Variants in SPHKAP observed in about 807,000 individuals in gnomAD.
SPHKAP encodes A-kinase anchor protein SPHKAP.
SPHKAP carries 67 observed loss-of-function variants against 137.5 expected under a neutral mutation model. That is an observed-to-expected ratio of 0.49 (90% CI 0.40 to 0.60). SPHKAP has a LOEUF of 0.60. Ranked by LOEUF, SPHKAP falls within the 20% of genes least tolerant of loss-of-function variation. SPHKAP has a pLI of 0.00. For missense variants in SPHKAP, 2,097 were observed against 2,069.3 expected (o/e 1.01, Z -0.26); for synonymous variants, 813 against 785.3 (o/e 1.04, Z -0.59).
chr2:228,064,113 A>G (rs956854085), intron 3 of SPHKAP, among the ~76,000 whole-genome samples: 1 of 152,236 alleles, frequency 6.6e-6, no homozygotes, highest in Non-Finnish European at 1.5e-5. Context: ...AGTCAGAATC[A>G]TAAGTAGTAG....
intron 1 of SPHKAP, among the ~76,000 whole-genome samples, chr2:228,157,417 G>A (rs750286062): frequency 2.0e-5 from 3 of 152,058 alleles, no homozygotes; most frequent in Non-Finnish European, 4.4e-5. Context: ...TGAATATCAT[G>A]GAAATAAAAA....
At chr2:228,001,809 A>G (rs1437319728) in intron 7 of SPHKAP, among the ~76,000 whole-genome samples, 4 of 152,000 alleles carry the variant, frequency 2.6e-5, no homozygotes, top group African/African-American at 9.7e-5. Context: ...TATGAGTGAG[A>G]ACGTGAAGTG....
At chr2:227,989,775 TTTG>T (rs993065490) in intron 11 of SPHKAP, among the ~76,000 whole-genome samples, 1 of 80,976 alleles carries the variant, frequency 1.2e-5, no homozygotes, top group African/African-American at 5.3e-5. Flanking sequence ...CTGGCTAATT[TTTG>T]TTTTTTTTTT....
chr2:228,090,232 T>C (rs775592125), intron 3 of SPHKAP, among the ~76,000 whole-genome samples: 6 of 152,224 alleles, frequency 3.9e-5, no homozygotes, highest in African/African-American at 7.2e-5. Flanking sequence ...TCAAGGATTA[T>C]GTTGGAATCT....
chr2:228,109,949 A>ACT (rs375542235), intron 2 of SPHKAP, among the ~76,000 whole-genome samples: 41,277 of 106,878 alleles, frequency 0.39, 7,658 homozygotes, highest in East Asian at 0.55. Flanking sequence ...CAAGAGTGAA[A>ACT]ATGTCTCAAA....
intron 3 of SPHKAP, chr2:228,027,920 C>T: frequency 8.0e-6 from 6 of 750,638 alleles, no homozygotes; most frequent in Non-Finnish European, 9.6e-6. Flanking sequence ...GAGCCGAGGT[C>T]ATGCCCACTC....
chr2:228,139,990 G>A (rs867371706), intron 1 of SPHKAP, among the ~76,000 whole-genome samples: 1 of 113,598 alleles, frequency 8.8e-6, no homozygotes, highest in Non-Finnish European at 1.9e-5. Flanking sequence ...TTTTGCCCAG[G>A]CTGGAGTGCA....
chr2:228,133,826 A>G (rs1175152308), intron 1 of SPHKAP, among the ~76,000 whole-genome samples: 1 of 152,232 alleles, frequency 6.6e-6, no homozygotes, highest in Admixed American at 6.5e-5. Flanking sequence ...ATGGAATGAC[A>G]TTTTAAAAAA....
intron 1 of SPHKAP, among the ~76,000 whole-genome samples, chr2:228,156,793 G>A (rs529852960): frequency 6.6e-6 from 1 of 152,262 alleles, no homozygotes; most frequent in East Asian, 1.9e-4. Flanking sequence ...GCTTTATAAA[G>A]GGGAGGTCCC....
intron 3 of SPHKAP, among the ~76,000 whole-genome samples, chr2:228,052,789 T>C (rs1240134812): frequency 6.6e-6 from 1 of 152,148 alleles, no homozygotes; most frequent in Non-Finnish European, 1.5e-5. Flanking sequence ...CCTTTTATGT[T>C]AGAGAGTTTA....
intron 3 of SPHKAP, chr2:228,028,028 C>T (rs1161328902): frequency 1.0e-6 from 1 of 984,596 alleles, no homozygotes; most frequent in South Asian, 4.7e-5. Flanking sequence ...CCAAATAGCT[C>T]TCCAACACCC....
chr2:228,074,028 T>C (rs145263134), intron 3 of SPHKAP, among the ~76,000 whole-genome samples: 3 of 152,314 alleles, frequency 2.0e-5, no homozygotes, highest in East Asian at 1.9e-4. Context: ...AGGTTCAACA[T>C]TCAGTTTTCA....
At chr2:228,087,645 A>C (rs1276917954) in intron 3 of SPHKAP, among the ~76,000 whole-genome samples, 1 of 152,216 alleles carries the variant, frequency 6.6e-6, no homozygotes, top group Non-Finnish European at 1.5e-5. Context: ...TGGAATTGAA[A>C]AGTATAATAA....
intron 7 of SPHKAP, among the ~76,000 whole-genome samples, chr2:228,011,381 C>T (rs1559344767): frequency 6.6e-6 from 1 of 152,200 alleles, no homozygotes; most frequent in African/African-American, 2.4e-5. Context: ...CTGGTTTCCA[C>T]TAGCCTTTAG....
At chr2:228,073,154 T>A (rs1697056461) in intron 3 of SPHKAP, among the ~76,000 whole-genome samples, 1 of 152,226 alleles carries the variant, frequency 6.6e-6, no homozygotes, top group Non-Finnish European at 1.5e-5. Context: ...AGGGGCAGAA[T>A]AATTGACCCC....
At chr2:228,154,393 A>C (rs72617140) in intron 1 of SPHKAP, among the ~76,000 whole-genome samples, 33,209 of 149,018 alleles carry the variant, frequency 0.22, 4,149 homozygotes, top group East Asian at 0.49. Flanking sequence ...ATTAGTTAAA[A>C]ATGGTAGTTT....
intron 7 of SPHKAP, among the ~76,000 whole-genome samples, chr2:228,004,058 G>A (rs1694023861): frequency 6.6e-6 from 1 of 152,190 alleles, no homozygotes; most frequent in African/African-American, 2.4e-5. Flanking sequence ...TTTGGTATCA[G>A]GATGATGCTG....
intron 7 of SPHKAP, among the ~76,000 whole-genome samples, chr2:227,996,693 C>T (rs1559337729): frequency 6.6e-6 from 1 of 152,158 alleles, no homozygotes; most frequent in East Asian, 1.9e-4. Flanking sequence ...CCTTCCCACC[C>T]TCTTCCTGGG....
rs144451707 is a variant in SPHKAP at position 228,039,451 on chromosome 2, T to C, written c.247-11908A>G. ...ATAGGAAATACACAGTTTTTTTTAG[T>C]ATTATGGGTTATTAGCCAAGTAATC... On this transcript the variant is annotated intron_variant, in intron 3 of 11. Transcript: ENST00000392056. Among the ~76,000 whole-genome samples the C allele has an allele frequency of 7.6e-4, 116 of 152,322 alleles. 1 individual carries two copies. Among genetic ancestry groups the C allele is most frequent in the Middle Eastern group, 3.4e-3 (1 of 294 alleles).
Sources: allele counts gnomAD v4.1 joint callset (sites outside exome capture counted in the v4.1 genomes callset), GRCh38; gene constraint gnomAD v4.1.1; transcripts MANE v1.5; gene names NCBI Gene and HGNC (gene_info 2026-07-23, HGNC 2026-07-21).